ZMYND8: variants seen among roughly 807,000 people sequenced by gnomAD.
ZMYND8 encodes zinc finger MYND-type containing 8, also known as MYND-type zinc finger-containing chromatin reader ZMYND8.
ZMYND8 carries 37 observed loss-of-function variants against 140.8 expected under a neutral mutation model. The ratio of observed to expected loss-of-function variants is 0.26; its 90% CI spans 0.20 to 0.35. The LOEUF is 0.35. Among genes scored for constraint, ZMYND8 ranks in the 10% least tolerant of loss-of-function variants. The pLI, the probability that ZMYND8 is intolerant of heterozygous loss-of-function variation, is 1.00. For missense variants in ZMYND8, 1,068 were observed against 1,570.0 expected (o/e 0.68, Z 5.40); for synonymous variants, 592 against 597.1 (o/e 0.99, Z 0.12).
intron 2 of ZMYND8, among the ~76,000 whole-genome samples, chr20:47,315,050 T>C (rs1436120176): frequency 6.6e-6 from 1 of 152,110 alleles, no homozygotes; most frequent in East Asian, 1.9e-4. Flanking sequence ...ATTAAAAACT[T>C]CAGGGCCCCC....
intron 12 of ZMYND8, among the ~76,000 whole-genome samples, chr20:47,259,706 T>C (rs1298398204): frequency 6.6e-6 from 1 of 152,140 alleles, no homozygotes; most frequent in Non-Finnish European, 1.5e-5. Context: ...GCCTCACTCC[T>C]GCTCAATGCT....
At chr20:47,289,106 T>C (rs935205946) in intron 7 of ZMYND8, among the ~76,000 whole-genome samples, 1 of 152,032 alleles carries the variant, frequency 6.6e-6, no homozygotes, top group African/African-American at 2.4e-5. Context: ...TGTCTCTAAA[T>C]AAATAAATAA....
chr20:47,307,385 G>A (rs1025849857), intron 3 of ZMYND8, among the ~76,000 whole-genome samples: 2 of 151,882 alleles, frequency 1.3e-5, no homozygotes, highest in African/African-American at 4.8e-5. Context: ...TTGAACCCAG[G>A]AGGCAGAGGT....
intron 3 of ZMYND8, among the ~76,000 whole-genome samples, chr20:47,307,487 G>A (rs1569157670): frequency 1.3e-5 from 2 of 151,810 alleles, no homozygotes; most frequent in Admixed American, 6.6e-5. Context: ...TAAATAAAGG[G>A]ACACCGGAAA....
intron 5 of ZMYND8, 66 bp downstream of exon 5, chr20:47,294,600 T>C: frequency 6.7e-7 from 1 of 1,490,432 alleles, no homozygotes; most frequent in Non-Finnish European, 9.4e-7. Context: ...AGCTAAGCTA[T>C]TAACAGAACA....
chr20:47,268,505 G>A (rs2075703308), intron 11 of ZMYND8, among the ~76,000 whole-genome samples: 1 of 151,566 alleles, frequency 6.6e-6, no homozygotes. Context: ...ATGTTAGCCA[G>A]GATGGTCTCG....
chr20:47,228,810 G>A (rs1208605267), intron 17 of ZMYND8, among the ~76,000 whole-genome samples: 1 of 152,100 alleles, frequency 6.6e-6, no homozygotes, highest in Admixed American at 6.6e-5. Context: ...CACCTTAAAT[G>A]ACCTCTGTAA....
At chr20:47,274,988 TGAGGGAGAGAGG>T (rs1303381814) in intron 11 of ZMYND8, among the ~76,000 whole-genome samples, 3 of 150,752 alleles carry the variant, frequency 2.0e-5, no homozygotes, top group Admixed American at 6.6e-5. Flanking sequence ...GTGAAGGGAG[TGAGGGAGAGAGG>T]GAGGGAGAGA....
At chr20:47,262,977 T>C (rs1008150819) in intron 11 of ZMYND8, among the ~76,000 whole-genome samples, 1 of 152,150 alleles carries the variant, frequency 6.6e-6, no homozygotes, top group Non-Finnish European at 1.5e-5. Flanking sequence ...GAGGGAGACG[T>C]TGGTAAATTA....
At chr20:47,304,427 AT>A (rs1185680237) in intron 3 of ZMYND8, among the ~76,000 whole-genome samples, 1 of 152,270 alleles carries the variant, frequency 6.6e-6, no homozygotes, top group Non-Finnish European at 1.5e-5. Flanking sequence ...CAGACAGTAC[AT>A]AAATGAATGA....
At chr20:47,312,503 A>C (rs2079013587) in intron 2 of ZMYND8, among the ~76,000 whole-genome samples, 1 of 152,148 alleles carries the variant, frequency 6.6e-6, no homozygotes, top group Non-Finnish European at 1.5e-5. Flanking sequence ...CAGACATCAA[A>C]AGGGCGGCCC....
chr20:47,293,164 GAGGGAGGGAGGGAGGGAGGGAGGC>G (rs1359187060), intron 5 of ZMYND8, among the ~76,000 whole-genome samples: 12 of 22,432 alleles, frequency 5.3e-4, no homozygotes, highest in Non-Finnish European at 9.0e-4. Context: ...GGGAGGGAGG[GAGGGAGGGAGGGAGGGAGGGAGGC>G]AGGCAGGCAG....
chr20:47,266,408 G>A (rs2075529844), intron 11 of ZMYND8, among the ~76,000 whole-genome samples: 1 of 152,120 alleles, frequency 6.6e-6, no homozygotes. Context: ...AGCCTCACAA[G>A]CAGCTGGGAT....
At chr20:47,224,613 G>A (rs1331556380) in intron 18 of ZMYND8, 57 bp from the exon 19 acceptor site, 3 of 1,599,072 alleles carry the variant, frequency 1.9e-6, no homozygotes, top group African/African-American at 2.7e-5. Flanking sequence ...GGGGTGTGGG[G>A]TTATTCCTGC....
intron 22 of ZMYND8, among the ~76,000 whole-genome samples, chr20:47,211,143 T>C (rs1370186479): frequency 6.6e-6 from 1 of 152,150 alleles, no homozygotes; most frequent in Non-Finnish European, 1.5e-5. Context: ...TCACAGAGAA[T>C]AAAGATTTGT....
At chr20:47,244,618 G>A (rs935051291) in intron 14 of ZMYND8, among the ~76,000 whole-genome samples, 2 of 152,218 alleles carry the variant, frequency 1.3e-5, no homozygotes, top group African/African-American at 4.8e-5. Flanking sequence ...TGCCACAACT[G>A]AGCAAGTAAG....
chr20:47,347,499 T>C lies in ZMYND8; in HGVS notation c.85+357A>G, dbSNP rs894015364. Among the ~76,000 whole-genome samples, 6 of 152,310 alleles carry C rather than the reference T, an allele frequency of 3.9e-5. No homozygotes were observed. The East Asian group carries it at 7.7e-4, about 20-fold the overall frequency. ...ACTTCTGGGATTCCAAAGAGGTCTG[T>C]TGTTAAAATCAGAAAACGAGCAGCA... On this transcript the variant is annotated intron_variant, in intron 2 of 22. Transcript: ENST00000471951.
intron 1 of ZMYND8, chr20:47,352,466 T>C (rs1169752936): frequency 3.0e-6 from 3 of 985,254 alleles, no homozygotes; most frequent in South Asian, 4.7e-5. Context: ...CCTTATCCAA[T>C]GCACAGGATA....
chr20:47,323,250 C>CT (rs2080121605), intron 2 of ZMYND8, among the ~76,000 whole-genome samples: 1 of 152,006 alleles, frequency 6.6e-6, no homozygotes, highest in African/African-American at 2.4e-5. Context: ...CAACTTTTCT[C>CT]TTTTTTGGGG....
Sources: allele counts gnomAD v4.1 joint callset (sites outside exome capture counted in the v4.1 genomes callset), GRCh38; gene constraint gnomAD v4.1.1; transcripts MANE v1.5; gene names NCBI Gene and HGNC (gene_info 2026-07-23, HGNC 2026-07-21).